The following CEP63 variants were observed in gnomAD, a reference collection of about 807,000 sequenced individuals.
CEP63 encodes the protein centrosomal protein 63, also known as centrosomal protein of 63 kDa.
A neutral mutation model predicts 89.1 loss-of-function variants in CEP63; 84 were observed. The ratio of observed to expected loss-of-function variants is 0.94; its 90% CI spans 0.79 to 1.13. The LOEUF (loss-of-function observed/expected upper bound fraction) is 1.13. CEP63 is among the 50% of genes most tolerant of loss of function. CEP63 has a pLI of 0.00. For synonymous variants in CEP63, 267 were observed against 272.5 expected (o/e 0.98, Z 0.20); for missense variants, 838 against 813.3 (o/e 1.03, Z -0.37).
At chr3:134,765,341 A>G in the CEP63 span, among the ~76,000 whole-genome samples, 1 of 152,216 alleles carries the variant, frequency 6.6e-6, no homozygotes, top group Non-Finnish European at 1.5e-5. Flanking sequence ...TGGTAAACAG[A>G]TGGACTTGAT....
chr3:134,586,791 A>G (rs529396163), intron 10 of CEP63, among the ~76,000 whole-genome samples: 1 of 152,256 alleles, frequency 6.6e-6, no homozygotes, highest in African/African-American at 2.4e-5. Flanking sequence ...AGTGTTTTCG[A>G]ACTTGGTTCC....
the CEP63 span, among the ~76,000 whole-genome samples, chr3:134,774,801 T>C: frequency 1.3e-5 from 2 of 152,308 alleles, no homozygotes; most frequent in East Asian, 3.9e-4. Flanking sequence ...TGAGAATTCA[T>C]ATACCCTGCC....
downstream of CEP63, among the ~76,000 whole-genome samples, chr3:134,569,644 CTG>C (rs1957935671): frequency 6.6e-6 from 1 of 152,196 alleles, no homozygotes; most frequent in African/African-American, 2.4e-5. Flanking sequence ...CATTGAGAGA[CTG>C]TGGCTTTTCC....
At chr3:134,489,018 G>T (rs1025446934) in intron 1 of CEP63, among the ~76,000 whole-genome samples, 1 of 152,002 alleles carries the variant, frequency 6.6e-6, no homozygotes, top group Non-Finnish European at 1.5e-5. Context: ...AGCCGGGCGT[G>T]GTGGCATGCG....
chr3:134,589,743 T>C (rs1958561940), downstream of CEP63, among the ~76,000 whole-genome samples: 1 of 152,204 alleles, frequency 6.6e-6, no homozygotes, highest in South Asian at 2.1e-4. Context: ...AATCTCATTG[T>C]TGGGTATATC....
At chr3:134,525,147 A>G (rs1408993120) in intron 3 of CEP63, among the ~76,000 whole-genome samples, 1 of 152,066 alleles carries the variant, frequency 6.6e-6, no homozygotes, top group Non-Finnish European at 1.5e-5. Context: ...CATTTCTTCT[A>G]GATTTTCTAG....
chr3:134,537,386 G>T, intron 6 of CEP63, 118 bp downstream of exon 6: 1 of 709,262 alleles, frequency 1.4e-6, no homozygotes, highest in East Asian at 2.9e-5. Context: ...CACGAACCCT[G>T]CTCTCTTGTT....
At chr3:134,732,256 A>C in the CEP63 span, among the ~76,000 whole-genome samples, 1 of 152,218 alleles carries the variant, frequency 6.6e-6, no homozygotes, top group Admixed American at 6.5e-5. Flanking sequence ...AAAATAAATC[A>C]AACCAATGCT....
At chr3:134,771,781 T>A in the CEP63 span, among the ~76,000 whole-genome samples, 2 of 152,138 alleles carry the variant, frequency 1.3e-5, no homozygotes, top group East Asian at 3.9e-4. Flanking sequence ...TCTCAGAACT[T>A]AAAGTATATT....
the CEP63 span, chr3:134,643,450 T>A: frequency 7.3e-7 from 1 of 1,368,898 alleles, no homozygotes; most frequent in Non-Finnish European, 1.0e-6. Context: ...AAGAGCTGTA[T>A]GTGTTTGCGG....
chr3:134,771,764 A>G, the CEP63 span, among the ~76,000 whole-genome samples: 242 of 152,334 alleles, frequency 1.6e-3, no homozygotes, highest in Middle Eastern at 3.4e-3. Flanking sequence ...CACGTTGTGC[A>G]TGTGTATCTC....
At chr3:134,533,973 T>C (rs141088107) in intron 5 of CEP63, among the ~76,000 whole-genome samples, 6 of 152,082 alleles carry the variant, frequency 3.9e-5, no homozygotes, top group Non-Finnish European at 8.8e-5. Context: ...CAATACCTTT[T>C]CCCCCCAAAC....
the CEP63 span, among the ~76,000 whole-genome samples, chr3:134,764,297 A>G: frequency 6.6e-6 from 1 of 152,258 alleles, no homozygotes. Context: ...TTCTGCTCCC[A>G]CTGGACTTCA....
Position 134,547,438 on chromosome 3 carries a change from C to A in CEP63, c.1033C>A (p.Leu345Ile), listed in dbSNP as rs752919215. 2 of 1,613,724 alleles carry A rather than the reference C, an allele frequency of 1.2e-6. No individual in the cohort carries two copies. Among genetic ancestry groups the A allele is most frequent in the African/African-American group, 2.7e-5 (2 of 75,006 alleles). The change falls in exon 9 of 15, where the codon CTT (leucine) becomes ATT (isoleucine). Residue 345 changes from leucine to isoleucine, a missense_variant. Coordinates refer to ENST00000675561, the MANE Select transcript of CEP63 (RefSeq NM_001353108.3). ...GAATTTTACCCATACTAGTGAGGAC[C>A]TTCTGCAGGCAGAGGTGACTTGTCT... ...QLNFTHTSED[L>I]LQAEVTCLEG...
the CEP63 span, among the ~76,000 whole-genome samples, chr3:134,763,944 A>G: frequency 6.6e-6 from 1 of 152,212 alleles, no homozygotes. Flanking sequence ...AGTACTCTGG[A>G]TTGATGCCTC....
At chr3:134,499,355 T>C (rs1409865718) in intron 2 of CEP63, among the ~76,000 whole-genome samples, 1 of 152,184 alleles carries the variant, frequency 6.6e-6, no homozygotes, top group Non-Finnish European at 1.5e-5. Context: ...TGGTTATCAG[T>C]TGTAATATTG....
intron 2 of CEP63, among the ~76,000 whole-genome samples, chr3:134,501,240 C>A (rs1445838115): frequency 6.6e-6 from 1 of 152,132 alleles, no homozygotes; most frequent in Admixed American, 6.6e-5. Flanking sequence ...GTTACTATAG[C>A]ATTGTAGTGT....
intron 1 of CEP63, among the ~76,000 whole-genome samples, chr3:134,494,239 C>T (rs546438980): frequency 1.3e-5 from 2 of 151,978 alleles, no homozygotes; most frequent in Admixed American, 6.6e-5. Context: ...CCTCAGCCTC[C>T]CCATGGCTGG....
the CEP63 span, among the ~76,000 whole-genome samples, chr3:134,706,140 T>C: frequency 1.9e-3 from 294 of 152,206 alleles, no homozygotes; most frequent in Admixed American, 0.013. Flanking sequence ...AACATGTTGA[T>C]TAGAAGTCCC....
Sources: allele counts gnomAD v4.1 joint callset (sites outside exome capture counted in the v4.1 genomes callset), GRCh38; gene constraint gnomAD v4.1.1; transcripts MANE v1.5; gene names NCBI Gene and HGNC (gene_info 2026-07-23, HGNC 2026-07-21).